RBFOX1: variants seen among roughly 807,000 people sequenced by gnomAD.
RBFOX1 encodes RNA binding protein fox-1 homolog 1.
A neutral mutation model predicts 57.7 loss-of-function variants in RBFOX1; 8 were observed. The ratio of observed to expected loss-of-function variants is 0.14; its 90% CI spans 0.08 to 0.25. The LOEUF (loss-of-function observed/expected upper bound fraction) is 0.25, where lower values mean the gene tolerates loss of function less well. Ranked by LOEUF, RBFOX1 falls within the 10% of genes least tolerant of loss-of-function variation. The pLI, the probability that RBFOX1 is intolerant of heterozygous loss-of-function variation, is 1.00. For missense variants in RBFOX1, 611 were observed against 548.5 expected (o/e 1.11, Z -1.14); for synonymous variants, 326 against 222.4 (o/e 1.47, Z -4.15).
chr16:6,942,478 T>C (rs2078721029), intron 3 of RBFOX1, among the ~76,000 whole-genome samples: 2 of 152,098 alleles, frequency 1.3e-5, no homozygotes, highest in African/African-American at 4.8e-5. Context: ...TTTAAGAATG[T>C]TGACAACATC....
intron 3 of RBFOX1, among the ~76,000 whole-genome samples, chr16:5,711,945 T>C (rs1021081866): frequency 6.6e-6 from 1 of 152,176 alleles, no homozygotes; most frequent in Admixed American, 6.5e-5. Flanking sequence ...AAAAGAAATA[T>C]CCCAGACTGT....
At chr16:5,290,016 C>T (rs577036444) in intron 1 of RBFOX1, among the ~76,000 whole-genome samples, 32 of 152,166 alleles carry the variant, frequency 2.1e-4, no homozygotes, top group Admixed American at 2.0e-3. Context: ...ATGGTTTGAC[C>T]ATGCAATGGA....
In RBFOX1 at chr16:6,979,095, C is replaced by T. The variant is rs1002992211; in HGVS notation, c.-15-72962C>T. Among the ~76,000 whole-genome samples the T allele has an allele frequency of 9.2e-5, 14 of 152,300 alleles. 1 individual carries two copies. Among genetic ancestry groups the T allele is most frequent in the Admixed American group, 4.6e-4 (7 of 15,298 alleles). On this transcript the variant is annotated intron_variant, in intron 3 of 15. Transcript: ENST00000550418. ...TATAAAATAGCACCAATATGTTCAA[C>T]ATGATGATTATGGGCTCAGATAAAA...
At chr16:6,171,394 A>G (rs914338036) in intron 1 of RBFOX1, among the ~76,000 whole-genome samples, 7 of 152,182 alleles carry the variant, frequency 4.6e-5, no homozygotes, top group African/African-American at 1.7e-4. Context: ...TAAGGAGTTC[A>G]AGACTCGATT....
chr16:7,491,508 G>A (rs984791029), intron 4 of RBFOX1, among the ~76,000 whole-genome samples: 3 of 151,650 alleles, frequency 2.0e-5, no homozygotes, highest in African/African-American at 7.3e-5. Flanking sequence ...ATTCCTTTGA[G>A]AGATCACTTG....
chr16:5,528,079 G>A lies in RBFOX1; in HGVS notation c.258+60825G>A, dbSNP rs141005258. On this transcript the variant is annotated intron_variant, in intron 2 of 2. Transcript: ENST00000585867. ...ACCTATTTACTGCATGGATTTAGTC[G>A]TCCTGGAGGACCTATTTCTGATTAA... Among the ~76,000 whole-genome samples, 230 of 152,228 alleles carry A rather than the reference G, an allele frequency of 1.5e-3. 1 individual carries two copies. The highest frequency in any genetic ancestry group is 2.6e-3 in the Non-Finnish European group (174 of 68,008).
intron 3 of RBFOX1, among the ~76,000 whole-genome samples, chr16:5,711,180 C>G (rs2051473794): frequency 1.3e-5 from 2 of 152,214 alleles, no homozygotes; most frequent in Non-Finnish European, 2.9e-5. Flanking sequence ...TTATATAGCA[C>G]TTGCCCTGTG....
At chr16:5,254,202 A>G (rs922657842) in intron 1 of RBFOX1, among the ~76,000 whole-genome samples, 1 of 152,216 alleles carries the variant, frequency 6.6e-6, no homozygotes, top group African/African-American at 2.4e-5. Flanking sequence ...TAACTTGCTC[A>G]GTATTAGATA....
chr16:7,156,426 C>T (rs1212633665), intron 4 of RBFOX1, among the ~76,000 whole-genome samples: 1 of 151,728 alleles, frequency 6.6e-6, no homozygotes, highest in African/African-American at 2.4e-5. Flanking sequence ...TATAGTTGTA[C>T]ATACACATGT....
chr16:7,231,690 C>T (rs896367337), intron 4 of RBFOX1, among the ~76,000 whole-genome samples: 1 of 152,144 alleles, frequency 6.6e-6, no homozygotes, highest in Non-Finnish European at 1.5e-5. Flanking sequence ...AAAATGTGGT[C>T]TATCCATACA....
At chr16:5,427,827 C>G (rs1340457222) in intron 1 of RBFOX1, among the ~76,000 whole-genome samples, 1 of 152,152 alleles carries the variant, frequency 6.6e-6, no homozygotes, top group Non-Finnish European at 1.5e-5. Flanking sequence ...ACGGATTTCT[C>G]TGTTAATATC....
chr16:6,666,519 G>A (rs1286911548), intron 3 of RBFOX1, among the ~76,000 whole-genome samples: 2 of 138,738 alleles, frequency 1.4e-5, no homozygotes, highest in Non-Finnish European at 3.0e-5. Flanking sequence ...CAGCCTGGGT[G>A]ACAGAGTAAG....
At chr16:6,819,811 T>A (rs1005238413) in intron 3 of RBFOX1, among the ~76,000 whole-genome samples, 2 of 150,384 alleles carry the variant, frequency 1.3e-5, no homozygotes, top group Admixed American at 1.3e-4. Flanking sequence ...ACGACACTGG[T>A]AATTTACAGA....
intron 2 of RBFOX1, among the ~76,000 whole-genome samples, chr16:6,424,770 A>G (rs1048341767): frequency 2.0e-5 from 3 of 152,312 alleles, no homozygotes; most frequent in African/African-American, 2.4e-5. Context: ...TTCCTCTTCT[A>G]AGATGAAATG....
intron 1 of RBFOX1, among the ~76,000 whole-genome samples, chr16:6,050,904 A>G (rs927263825): frequency 4.0e-5 from 6 of 150,912 alleles, no homozygotes; most frequent in East Asian, 3.9e-4. Context: ...AGATTATTCA[A>G]TCATCAACCG....
intron 2 of RBFOX1, among the ~76,000 whole-genome samples, chr16:6,353,950 C>T (rs1025058297): frequency 6.6e-6 from 1 of 152,048 alleles, no homozygotes; most frequent in Admixed American, 6.6e-5. Context: ...AACACATAAA[C>T]AGTTCACGCC....
chr16:5,316,488 G>A (rs2064242363), intron 1 of RBFOX1, among the ~76,000 whole-genome samples: 1 of 152,144 alleles, frequency 6.6e-6, no homozygotes, highest in Non-Finnish European at 1.5e-5. Flanking sequence ...ATTGCTATGA[G>A]AACACCCCCT....
chr16:5,276,651 CGGTT>C (rs1409513760), intron 1 of RBFOX1, among the ~76,000 whole-genome samples: 10 of 152,116 alleles, frequency 6.6e-5, no homozygotes, highest in African/African-American at 2.4e-4. Flanking sequence ...GGCATGGTGG[CGGTT>C]GCCTGTAATC....
chr16:7,267,420 C>T (rs576856140), intron 4 of RBFOX1, among the ~76,000 whole-genome samples: 1 of 151,448 alleles, frequency 6.6e-6, no homozygotes, highest in African/African-American at 2.4e-5. Flanking sequence ...CCTGCAATCC[C>T]AGTTACTTGA....
Sources: allele counts gnomAD v4.1 joint callset (sites outside exome capture counted in the v4.1 genomes callset), GRCh38; gene constraint gnomAD v4.1.1; transcripts MANE v1.5; gene names NCBI Gene and HGNC (gene_info 2026-07-23, HGNC 2026-07-21).